BRWD1: variants seen among roughly 807,000 people sequenced by gnomAD.
BRWD1 encodes bromodomain and WD repeat domain containing 1.
In BRWD1, 82 loss-of-function variants were observed where a neutral mutation model predicts 251.2. The observed-to-expected ratio is 0.33, with a 90% CI of 0.27 to 0.39. The LOEUF is 0.39. Among genes scored for constraint, BRWD1 ranks in the 10% least tolerant of loss-of-function variants. BRWD1 has a pLI of 1.00. For missense variants in BRWD1, 2,233 were observed against 2,711.6 expected (o/e 0.82, Z 3.92); for synonymous variants, 918 against 902.8 (o/e 1.02, Z -0.30).
At chr21:39,222,116 G>C (rs1473370022) in intron 29 of BRWD1, among the ~76,000 whole-genome samples, 1 of 151,854 alleles carries the variant, frequency 6.6e-6, no homozygotes, top group Non-Finnish European at 1.5e-5. Flanking sequence ...ATGTAAAATG[G>C]TATACCTGCT....
In BRWD1 at chr21:39,312,944, C is replaced by CG. The variant is rs754220705; in HGVS notation, c.139-45dup. ...CACACGAGTGACCACCCCTCCGGCG[C>CG]GGGGGGGGCGGGGGGCGGGGGGCCG... On this transcript the variant is annotated intron_variant, in intron 3 of 40. Transcript: ENST00000342449. 1.1e-3 allele frequency: 710 copies of CG among 621,018 alleles called. 10 individuals are homozygous for CG. Among genetic ancestry groups the CG allele is most frequent in the African/African-American group, 5.0e-3 (76 of 15,312 alleles). 38.5% of individuals were successfully genotyped at this position (621,018 alleles called of 1,614,324 possible). A position where few individuals can be genotyped will look rare whatever the true frequency, so the allele number is the denominator to read the frequency against.
At chr21:39,222,192 C>A (rs1389471127) in intron 29 of BRWD1, among the ~76,000 whole-genome samples, 1 of 152,170 alleles carries the variant, frequency 6.6e-6, no homozygotes, top group Admixed American at 6.5e-5. Flanking sequence ...AGCAATGCCA[C>A]TCCTACATAT....
At chr21:39,309,046 C>T (rs1172773037) in intron 4 of BRWD1, among the ~76,000 whole-genome samples, 1 of 151,934 alleles carries the variant, frequency 6.6e-6, no homozygotes, top group African/African-American at 2.4e-5. Context: ...TAGTGGTGTG[C>T]GCCTGTAGTC....
rs540371276 is a variant in BRWD1 at position 39,259,267 on chromosome 21, G to GCTA, written c.1886-598_1886-596dup. ...CTCTCTTAGATATGTTTTTAACATA[G>GCTA]CTACTACCCATAATTCTTACTTCAA... On this transcript the variant is annotated intron_variant, in intron 17 of 40. Transcript: ENST00000342449. Among the ~76,000 whole-genome samples the GCTA allele has an allele frequency of 1.5e-4, 23 of 152,162 alleles. 1 individual carries two copies. In the South Asian group the frequency reaches 3.7e-3, roughly 25 times the overall value.
intron 38 of BRWD1, among the ~76,000 whole-genome samples, chr21:39,200,684 T>C (rs1277699235): frequency 6.6e-6 from 1 of 152,176 alleles, no homozygotes; most frequent in African/African-American, 2.4e-5. Context: ...GACTTCCAAT[T>C]AAAAATTTAA....
intron 19 of BRWD1, among the ~76,000 whole-genome samples, chr21:39,252,410 A>G (rs1203292475): frequency 2.6e-5 from 4 of 152,156 alleles, no homozygotes; most frequent in Non-Finnish European, 5.9e-5. Flanking sequence ...TTATGCTTTT[A>G]TATCTATTAC....
At chr21:39,229,728 A>T (rs545952257) in intron 25 of BRWD1, among the ~76,000 whole-genome samples, 1 of 152,192 alleles carries the variant, frequency 6.6e-6, no homozygotes, top group Admixed American at 6.5e-5. Flanking sequence ...AAAATCTAAC[A>T]TATTTCCTTC....
At position 39,194,190 on chromosome 21, in the gene BRWD1, C is replaced by G. The variant is rs548816677; in HGVS notation, c.*2069G>C. The G allele has an allele frequency of 1.5e-5, 15 of 982,584 alleles. No individual in the cohort carries two copies. The South Asian group carries it at 2.3e-4, about 15-fold the overall frequency. The allele number at this position is 982,584 out of a possible 1,614,324, so 60.9% of individuals were successfully genotyped here. On this transcript the variant is annotated 3_prime_UTR_variant, in exon 41 of 41. Coordinates refer to ENST00000342449, the MANE Select transcript of BRWD1 (RefSeq NM_033656.4). ...AATCAGAATAGTTCTATTAATGAAG[C>G]CTAAACTGTCAAAATATTGTTTTAT...
chr21:39,314,627 A>T (rs1281420056), upstream of BRWD1: 1 of 340,294 alleles, frequency 2.9e-6, no homozygotes, highest in Non-Finnish European at 5.8e-6. Flanking sequence ...CCGCGCATCC[A>T]GCCTGCCCTG....
intron 17 of BRWD1, among the ~76,000 whole-genome samples, chr21:39,261,772 GA>G (rs145517964): frequency 0.015 from 2,064 of 134,052 alleles, 48 homozygotes; most frequent in African/African-American, 0.053. Flanking sequence ...TCCCAAAGAA[GA>G]AAAAAAAAAG....
At chr21:39,206,368 T>C in intron 36 of BRWD1, 94 bp from the exon 37 acceptor site, 1 of 921,262 alleles carries the variant, frequency 1.1e-6, no homozygotes, top group Non-Finnish European at 1.6e-6. Flanking sequence ...CAATGTATTA[T>C]ATCACTGCTT....
rs558011734 is a variant in BRWD1 at position 39,256,237 on chromosome 21, T to C, written c.2072-409A>G. ...AAATTATAAAATGTACATTTCACAT[T>C]ACATTATATATGCATTCCTAAAAAC... On this transcript the variant is annotated intron_variant, in intron 18 of 40. Transcript: ENST00000342449. Among the ~76,000 whole-genome samples the C allele has an allele frequency of 7.9e-5, 12 of 152,348 alleles. No homozygotes were observed. The South Asian group carries it at 2.5e-3, about 32-fold the overall frequency.
In BRWD1 at chr21:39,241,049, C is replaced by T. The variant is rs373371880; in HGVS notation, c.2482-2476G>A. Among the ~76,000 whole-genome samples the T allele has an allele frequency of 2.6e-5, 4 of 151,736 alleles. No individual in the cohort carries two copies. In the East Asian group the frequency reaches 7.8e-4, roughly 30 times the overall value. On this transcript the variant is annotated intron_variant, in intron 21 of 40. Transcript: ENST00000342449. ...CCAAGTAGCTGGGATTACAGGCACC[C>T]GCCACCACGCCCAGCTAATTTTTTT...
In BRWD1 at chr21:39,225,119, T is replaced by C. The variant is rs776157716; in HGVS notation, c.3287A>G (p.Tyr1096Cys). ...ATAACACTGGAAATGACTATCAGGA[T>C]ACTGTGGTTGATATGGCTCTTGACT... ...VLSQEPYQPQ[Y>C]PDSHFQCYIV... Residue 1096 changes from tyrosine to cysteine, a missense_variant, in exon 28 of 41, where the codon TAT (tyrosine) becomes TGT (cysteine). Physicochemically the swap from Tyr to Cys is radical, Grantham distance 194 (BLOSUM62 -2). This residue lies in a region of BRWD1 where 139 missense variants were observed against 272.8 expected (regional missense o/e 0.51). Coordinates refer to ENST00000342449, the MANE Select transcript of BRWD1 (RefSeq NM_033656.4). 26 of 1,612,100 alleles carry C rather than the reference T, an allele frequency of 1.6e-5. No homozygotes were observed. The highest frequency in any genetic ancestry group is 1.6e-5 in the Non-Finnish European group (19 of 1,178,258).
At position 39,232,369 on chromosome 21, in the gene BRWD1, T is replaced by TCA; in HGVS notation, c.2892+2_2892+3dup. 6.3e-7 allele frequency: 1 copy of TCA among 1,594,210 alleles called. No homozygotes were observed. Among genetic ancestry groups the TCA allele is most frequent in the Non-Finnish European group, 8.5e-7 (1 of 1,174,758 alleles). ...TCGTGTTTTTAAATTTGTATTACTC[T>TCA]CACCTCATCACCCATTTGAGGAACA... On this transcript the variant is annotated splice_donor_region_variant and intron_variant, in intron 24 of 40. Coordinates refer to ENST00000342449, the MANE Select transcript of BRWD1 (RefSeq NM_033656.4).
At chr21:39,257,970 TGA>T (rs2034615887) in intron 18 of BRWD1, among the ~76,000 whole-genome samples, 1 of 152,184 alleles carries the variant, frequency 6.6e-6, no homozygotes, top group East Asian at 1.9e-4. Flanking sequence ...CTATTTTAAA[TGA>T]ATAATGAAAC....
intron 17 of BRWD1, among the ~76,000 whole-genome samples, chr21:39,264,198 A>C (rs1294262085): frequency 1.3e-5 from 2 of 152,196 alleles, no homozygotes; most frequent in Non-Finnish European, 2.9e-5. Context: ...AGATTTGATA[A>C]TAGTATTATC....
rs180872285 is a variant in BRWD1, at chr21:39,284,301, A to G, written c.832-4053T>C. On this transcript the variant is annotated intron_variant, in intron 8 of 40. Transcript: ENST00000342449. ...TCAAGACCAGCTTGTGAAACATAGC[A>G]AGACACTGTCTCTACAAAAAATTAA... Among the ~76,000 whole-genome samples the G allele has an allele frequency of 2.8e-3, 422 of 152,306 alleles. 2 individuals are homozygous for G. Among genetic ancestry groups the G allele is most frequent in the African/African-American group, 9.6e-3 (401 of 41,568 alleles).
At chr21:39,298,016 G>A (rs2036004194) in intron 5 of BRWD1, 1 of 985,934 alleles carries the variant, frequency 1.0e-6, no homozygotes, top group Non-Finnish European at 1.2e-6. Flanking sequence ...ACCAAATTTA[G>A]AAAATCACTT....
Sources: allele counts gnomAD v4.1 joint callset (sites outside exome capture counted in the v4.1 genomes callset), GRCh38; gene constraint gnomAD v4.1.1; regional missense constraint gnomAD v4.1.1; transcripts MANE v1.5; gene names NCBI Gene and HGNC (gene_info 2026-07-23, HGNC 2026-07-21).